RYR2: variants seen among roughly 807,000 people sequenced by gnomAD.
RYR2 encodes the protein ryanodine receptor 2, also known as cardiac muscle ryanodine receptor-calcium release channel.
Under a neutral mutation model 601.1 loss-of-function variants are expected in RYR2, and 227 were observed. The ratio of observed to expected loss-of-function variants is 0.38; its 90% CI spans 0.34 to 0.42. The LOEUF (loss-of-function observed/expected upper bound fraction) is 0.42, where lower values mean the gene tolerates loss of function less well. Ranked by LOEUF, RYR2 falls within the 10% of genes least tolerant of loss-of-function variation. The pLI is 1.00. For synonymous variants in RYR2, 2,223 were observed against 2,175.1 expected, an observed-to-expected ratio of 1.02 and a Z score of -0.61; for missense variants, 4,646 against 6,156.5, an observed-to-expected ratio of 0.75 and a Z score of 8.21.
At chr1:237,660,773 A>C (rs1359341994) in intron 55 of RYR2, 37 bp from the exon 56 acceptor site, 13 of 1,504,926 alleles carry the variant, frequency 8.6e-6, no homozygotes, top group Non-Finnish European at 1.2e-5. Flanking sequence ...ATTTACATTC[A>C]TAATATATCT....
Position 237,558,275 on chromosome 1 carries a change from C to T in RYR2, c.3214+7584C>T, listed in dbSNP as rs986630065. ...GGGCAGTCTACTGTATAATTATTGT[C>T]TTCAGGTTGAAATAGAAAATGAGTT... On this transcript the variant is annotated intron_variant, in intron 27 of 104. Transcript: ENST00000366574. 5.9e-5 allele frequency among the ~76,000 whole-genome samples: 9 copies of T among 152,260 alleles called. No individual in the cohort carries two copies. The East Asian group carries it at 1.5e-3, about 26-fold the overall frequency.
At position 237,491,937 on chromosome 1, in the gene RYR2, T is replaced by G; in HGVS notation, c.1827+13T>G. 9.6e-7 allele frequency: 1 copy of G among 1,038,782 alleles called. No individual in the cohort carries two copies. Among genetic ancestry groups the G allele is most frequent in the Non-Finnish European group, 1.4e-6 (1 of 693,920 alleles). 64.3% of individuals were successfully genotyped at this position (1,038,782 alleles called of 1,614,324 possible). A position where few individuals can be genotyped will look rare whatever the true frequency, so the allele number is the denominator to read the frequency against. ...AAGAAATCACAAGGTAAATGAACTA[T>G]TTTATTTCCCTGAATGAATTCTCAA... is the stretch of plus-strand genomic sequence containing the variant. On this transcript the variant is annotated intron_variant, in intron 18 of 104. Transcript: ENST00000366574.
chr1:237,588,404 G>A (rs1674771633), intron 29 of RYR2, among the ~76,000 whole-genome samples: 1 of 152,168 alleles, frequency 6.6e-6, no homozygotes, highest in Admixed American at 6.5e-5. Context: ...TACAATTCTT[G>A]TCAAAATTGT....
At chr1:237,062,392 T>G (rs527964718) in intron 1 of RYR2, among the ~76,000 whole-genome samples, 11 of 152,184 alleles carry the variant, frequency 7.2e-5, no homozygotes, top group Non-Finnish European at 1.0e-4. Context: ...TTTTATATAT[T>G]TAGATATTTT....
chr1:237,733,620 A>G, intron 78 of RYR2, 85 bp from the exon 79 acceptor site: 1 of 853,974 alleles, frequency 1.2e-6, no homozygotes, highest in South Asian at 1.4e-5. Flanking sequence ...GAAAAAGAAC[A>G]AAGGTTATTT....
At chr1:237,467,731 C>T (rs1256538236) in intron 16 of RYR2, among the ~76,000 whole-genome samples, 4 of 152,138 alleles carry the variant, frequency 2.6e-5, no homozygotes, top group African/African-American at 7.2e-5. Flanking sequence ...TGAAGGACAT[C>T]TTTAAGTTTA....
intron 25 of RYR2, among the ~76,000 whole-genome samples, chr1:237,542,655 C>G (rs1558997958): frequency 6.6e-6 from 1 of 152,136 alleles, no homozygotes; most frequent in Admixed American, 6.5e-5. Flanking sequence ...TGTTCCTTCT[C>G]GTGCCTCATC....
intron 1 of RYR2, among the ~76,000 whole-genome samples, chr1:237,101,635 A>G (rs1486868649): frequency 6.6e-6 from 1 of 152,248 alleles, no homozygotes; most frequent in East Asian, 1.9e-4. Context: ...TAATAGTACA[A>G]GGCAGAATCA....
intron 3 of RYR2, among the ~76,000 whole-genome samples, chr1:237,350,055 A>G (rs1007796269): frequency 1.3e-5 from 2 of 152,164 alleles, no homozygotes; most frequent in Non-Finnish European, 2.9e-5. Flanking sequence ...TATGATAAAT[A>G]TAACTAATAA....
intron 1 of RYR2, among the ~76,000 whole-genome samples, chr1:237,060,594 ACT>A (rs1370142670): frequency 6.6e-6 from 1 of 152,184 alleles, no homozygotes; most frequent in Non-Finnish European, 1.5e-5. Flanking sequence ...TCCAAAGGTT[ACT>A]ACTCTATGGA....
intron 36 of RYR2, among the ~76,000 whole-genome samples, chr1:237,613,207 G>GT (rs1678076306): frequency 6.6e-6 from 1 of 152,206 alleles, no homozygotes; most frequent in African/African-American, 2.4e-5. Flanking sequence ...GTAGATTTAT[G>GT]TCAGTGTGTA....
intron 24 of RYR2, among the ~76,000 whole-genome samples, chr1:237,521,745 TA>T (rs11301725): frequency 0.35 from 39,174 of 113,234 alleles, 5,443 homozygotes; most frequent in South Asian, 0.47. Flanking sequence ...ATTAAATACA[TA>T]AAAAAAAATA....
chr1:237,770,960 C>G (rs919823147), intron 85 of RYR2, 73 bp downstream of exon 85: 3 of 858,544 alleles, frequency 3.5e-6, no homozygotes, highest in African/African-American at 3.4e-5. Context: ...TAACAAGAGC[C>G]TGTTAGTTCC....
intron 25 of RYR2, among the ~76,000 whole-genome samples, chr1:237,538,979 A>G (rs1668966650): frequency 6.6e-6 from 1 of 152,170 alleles, no homozygotes; most frequent in Non-Finnish European, 1.5e-5. Context: ...AGGGAGAACA[A>G]GACATAGGCA....
chr1:237,610,858 G>T lies in RYR2; in HGVS notation c.4780G>T (p.Val1594Phe). 1 of 1,613,312 alleles carries T rather than the reference G, an allele frequency of 6.2e-7. No individual in the cohort carries two copies. The highest frequency in any genetic ancestry group is 1.7e-4 in the Middle Eastern group (1 of 6,032). Residue 1594 changes from valine to phenylalanine, a missense_variant, in exon 36 of 105, where the codon GTC becomes TTC. Val to Phe is a conservative substitution (Grantham distance 50). Around this residue, in one of 17 missense-constraint regions of RYR2, gnomAD observed 1,807 missense variants for 2,088.1 expected, o/e 0.87. Transcript: ENST00000366574. The surrounding 1 kb of genome is among the most constrained non-coding windows in gnomAD (Gnocchi z 4.9). ...CCTCCACGTGCAGTTCCTGTCACAC[G>T]TCCTGTGGAGCAGAATGCCCAACCA... ...PRLHVQFLSH[V>F]LWSRMPNQFL...
At chr1:237,442,173 G>A (rs1206418016) in intron 13 of RYR2, among the ~76,000 whole-genome samples, 1 of 152,222 alleles carries the variant, frequency 6.6e-6, no homozygotes, top group East Asian at 1.9e-4. Context: ...AGCTGGGTTA[G>A]CATTCTCAAG....
chr1:237,673,824 C>T, intron 58 of RYR2, among the ~76,000 whole-genome samples: 1 of 152,088 alleles, frequency 6.6e-6, no homozygotes, highest in Admixed American at 6.6e-5. Context: ...CTCTCATTGG[C>T]GAGTGCAGAT....
chr1:237,418,234 G>A (rs1038594819), intron 11 of RYR2, among the ~76,000 whole-genome samples: 1 of 152,090 alleles, frequency 6.6e-6, no homozygotes, highest in African/African-American at 2.4e-5. Context: ...AGTAGAGACA[G>A]GGTTTAACCG....
intron 1 of RYR2, among the ~76,000 whole-genome samples, chr1:237,065,574 C>T (rs58794860): frequency 0.01 from 1,543 of 152,162 alleles, 32 homozygotes; most frequent in African/African-American, 0.035. Context: ...CGTGAGCCAC[C>T]GTGCCTGGCC....
Sources: gnomAD v4.1 joint callset for allele counts (sites outside exome capture counted in the v4.1 genomes callset) on GRCh38, gnomAD v4.1.1 for gene constraint, gnomAD v4.1.1 regional missense constraint, Gnocchi (gnomAD v3.1) non-coding constraint, MANE v1.5 for transcripts, NCBI Gene and HGNC (gene_info 2026-07-23, HGNC 2026-07-21) for gene names.